Variants in SHE observed in about 807,000 individuals in gnomAD.
SHE encodes SH2 domain-containing adapter protein E.
In SHE, 11 loss-of-function variants were observed where a neutral mutation model predicts 49.8. That is an observed-to-expected ratio of 0.22 (90% CI 0.14 to 0.37). SHE has a LOEUF of 0.37. Ranked by LOEUF, SHE falls within the 10% of genes least tolerant of loss-of-function variation. The probability of loss-of-function intolerance (pLI) is 1.00; values close to 1 mark genes in which losing one functional copy is unlikely to be tolerated. For missense variants in SHE, 624 were observed against 655.5 expected, an observed-to-expected ratio of 0.95 and a Z score of 0.52; for synonymous variants, 310 against 278.1, an observed-to-expected ratio of 1.11 and a Z score of -1.14.
intron 3 of SHE, 47 bp downstream of exon 3, chr1:154,489,004 C>T (rs41269913): frequency 0.036 from 54,906 of 1,512,590 alleles, 1,141 homozygotes; most frequent in Middle Eastern, 0.084. Flanking sequence ...ATGCGGTGGC[C>T]AGAAGACTGA....
rs776297599 is a variant in SHE at position 154,501,834 on chromosome 1, A to G, written c.193T>C (p.Leu65=). The G allele has an allele frequency of 6.6e-5, 102 of 1,546,072 alleles. No individual in the cohort carries two copies. The highest frequency in any genetic ancestry group is 8.3e-5 in the Non-Finnish European group (96 of 1,153,414). Residue 65 remains leucine, a synonymous_variant, in exon 1 of 6, where the codon TTG becomes CTG. Coordinates refer to ENST00000304760, the MANE Select transcript of SHE (RefSeq NM_001010846.3). ...RAKPGGGGGK[L]RKNSEAGGAG... ...CCGCCCGCCTCCGAGTTCTTGCGCA[A>G]TTTGCCGCCGCCGCCCCCGGGCTTG...
In SHE at chr1:154,502,052, C is replaced by A. The variant is rs1299135541; in HGVS notation, c.-26G>T. 3 of 1,262,872 alleles carry A rather than the reference C, an allele frequency of 2.4e-6. No individual in the cohort carries two copies. The highest frequency in any genetic ancestry group is 3.0e-6 in the Non-Finnish European group (3 of 1,007,070). The allele number at this position is 1,262,872 out of a possible 1,614,324, so 78.2% of individuals were successfully genotyped here. A position where few individuals can be genotyped will look rare whatever the true frequency, so the allele number is the denominator to read the frequency against. The stretch of plus-strand genomic sequence containing the variant: ...TCCCCGTGACTGGGGCGCTGGAGGC[C>A]GCGGCGAGGCCCCGCGACGGCTGCT... On this transcript the variant is annotated 5_prime_UTR_variant, in exon 1 of 6. Transcript: ENST00000304760.
chr1:154,476,393 C>T (rs1691876339), downstream of SHE, among the ~76,000 whole-genome samples: 1 of 151,920 alleles, frequency 6.6e-6, no homozygotes, highest in African/African-American at 2.4e-5. Context: ...GCCTGTAATC[C>T]CAGCACTTTG....
rs1284518432 is a variant in SHE at position 154,501,688 on chromosome 1, C to T, written c.339G>A (p.Gln113=). The T allele has an allele frequency of 2.5e-6, 4 of 1,612,860 alleles. No homozygotes were observed. In the South Asian group the frequency reaches 4.4e-5, roughly 18 times the overall value. The change falls in exon 1 of 6, where the codon CAG becomes CAA. Residue 113 remains glutamine, a synonymous_variant. Transcript: ENST00000304760. ...TTTTGCGGCCCTTGCCCGCGGCGGC[C>T]TGAATCAGACCCTGCAGGCTGTCGC... ...LSRDSLQGLI[Q]AAAGKGRKNS... is the part of the protein sequence containing the mutation.
chr1:154,478,439 A>C (rs569364727), downstream of SHE, among the ~76,000 whole-genome samples: 2 of 151,992 alleles, frequency 1.3e-5, no homozygotes, highest in African/African-American at 4.8e-5. Flanking sequence ...AAAAAAAAAA[A>C]AAAAAAAAAC....
intron 1 of SHE, among the ~76,000 whole-genome samples, chr1:154,500,124 T>C (rs986010473): frequency 1.3e-5 from 2 of 152,146 alleles, no homozygotes; most frequent in African/African-American, 2.4e-5. Context: ...AGCCTGGAAA[T>C]AGCCTCAGAA....
rs758788346 is a variant in SHE, at chr1:154,501,753, C to G, written c.274G>C (p.Gly92Arg). 14 of 1,572,574 alleles carry G rather than the reference C, an allele frequency of 8.9e-6. No homozygotes were observed. The highest frequency in any genetic ancestry group is 2.4e-5 in the East Asian group (1 of 42,536). Residue 92 changes from glycine (G) to arginine (R), a missense_variant, in exon 1 of 6, where the codon GGC becomes CGC. Coordinates refer to ENST00000304760, the MANE Select transcript of SHE (RefSeq NM_001010846.3). ...TCCTTGGGGCCGACGCCGGCCCTGC[C>G]GCTCCCCAGCTCGGCCGCCGAGTTC... ...RKNSAAELGS[G>R]RAGVGPKDSR...
chr1:154,484,446 T>A, intron 5 of SHE, 111 bp from the exon 6 acceptor site: 1 of 872,592 alleles, frequency 1.1e-6, no homozygotes, highest in Non-Finnish European at 1.8e-6. Context: ...ATCCATCCCG[T>A]AATGGTTCTA....
chr1:154,479,913 A>G lies in SHE; in HGVS notation c.*4236T>C, dbSNP rs1179171337. 18 of 985,256 alleles carry G rather than the reference A, an allele frequency of 1.8e-5. No homozygotes were observed. Among genetic ancestry groups the G allele is most frequent in the Non-Finnish European group, 2.0e-5 (17 of 829,922 alleles). The allele number at this position is 985,256 out of a possible 1,614,324, so 61.0% of individuals were successfully genotyped here. A position where few individuals can be genotyped will look rare whatever the true frequency, so the allele number is the denominator to read the frequency against. The stretch of plus-strand genomic sequence containing the variant: ...TCAAGATGGCAACTGCTGTGTCATC[A>G]TTTTCCCTTTTCTGGACTGTATCAG... On this transcript the variant is annotated 3_prime_UTR_variant, in exon 6 of 6. Transcript: ENST00000304760.
Position 154,483,269 on chromosome 1 carries a change from C to T in SHE, c.*880G>A, listed in dbSNP as rs1692070193. ...CACACACTTTCTTGGAAAGGCTGAC[C>T]AACAAAATAATCCTTAGGCCACACT... On this transcript the variant is annotated 3_prime_UTR_variant, in exon 6 of 6. Transcript: ENST00000304760. 2 of 985,354 alleles carry T rather than the reference C, an allele frequency of 2.0e-6. No individual in the cohort carries two copies. Among genetic ancestry groups the T allele is most frequent in the South Asian group, 4.7e-5 (1 of 21,280 alleles). 61.0% of individuals were successfully genotyped at this position (985,354 alleles called of 1,614,324 possible). A position where few individuals can be genotyped will look rare whatever the true frequency, so the allele number is the denominator to read the frequency against.
chr1:154,494,358 A>G (rs190901445), intron 2 of SHE, among the ~76,000 whole-genome samples: 2 of 151,166 alleles, frequency 1.3e-5, no homozygotes, highest in African/African-American at 4.8e-5. Context: ...AATCACAGGC[A>G]AAGACAGACA....
chr1:154,473,268 G>A lies in SHE; in HGVS notation c.103-2906C>T, dbSNP rs183086481. ...GCCTGTCTCAGCCTCCCAAAGTGCTGGGATTACAGGTGTGAGCCACTGAGC... is the reference window on the plus strand; with the variant it reads ...GCCTGTCTCAGCCTCCCAAAGTGCTAGGATTACAGGTGTGAGCCACTGAGC... On this transcript the variant is annotated intron_variant, in intron 1 of 1. Transcript: ENST00000486773. Among the ~76,000 whole-genome samples the A allele has an allele frequency of 6.6e-3, 1,006 of 152,042 alleles. 38 individuals are homozygous for A. Among genetic ancestry groups the A allele is most frequent in the Admixed American group, 0.059 (899 of 15,272 alleles).
chr1:154,474,716 G>C (rs1691834775), downstream of SHE, among the ~76,000 whole-genome samples: 1 of 152,058 alleles, frequency 6.6e-6, no homozygotes, highest in South Asian at 2.1e-4. Flanking sequence ...TGTTGGCCAG[G>C]CTGGTCTTGA....
chr1:154,475,066 G>A (rs1010223182), downstream of SHE, among the ~76,000 whole-genome samples: 5 of 152,172 alleles, frequency 3.3e-5, no homozygotes, highest in Non-Finnish European at 7.4e-5. Context: ...GGGAGTGAGG[G>A]AGCAGAGTAG....
chr1:154,490,301 T>G lies in SHE; in HGVS notation c.719-945A>C, dbSNP rs146390720. Among the ~76,000 whole-genome samples the G allele has an allele frequency of 3.2e-3, 481 of 152,362 alleles. 2 individuals are homozygous for G. The highest frequency in any genetic ancestry group is 0.011 in the African/African-American group (465 of 41,584). On this transcript the variant is annotated intron_variant, in intron 2 of 5. Coordinates refer to ENST00000304760, the MANE Select transcript of SHE (RefSeq NM_001010846.3). ...ACATTTATCGATGGCTTACCATGTG[T>G]GAAGCACTATTCTAAGTGTCTAGTA... is the stretch of plus-strand genomic sequence containing the variant.
downstream of SHE, among the ~76,000 whole-genome samples, chr1:154,474,581 C>CA (rs1471284976): frequency 6.6e-6 from 1 of 152,084 alleles, no homozygotes; most frequent in Admixed American, 6.6e-5. Context: ...CATCTTGGCT[C>CA]ACCACAACTG....
chr1:154,497,257 C>T (rs1162193319), intron 2 of SHE, among the ~76,000 whole-genome samples: 1 of 152,230 alleles, frequency 6.6e-6, no homozygotes, highest in Admixed American at 6.5e-5. Context: ...CTGCTCAACT[C>T]TTCTGAGACT....
chr1:154,500,366 T>C (rs1692671393), intron 1 of SHE, among the ~76,000 whole-genome samples: 1 of 152,130 alleles, frequency 6.6e-6, no homozygotes, highest in South Asian at 2.1e-4. Flanking sequence ...TACACAGCTC[T>C]CCACTCAGTG....
At chr1:154,500,002 G>A (rs1220401845) in intron 1 of SHE, among the ~76,000 whole-genome samples, 1 of 152,148 alleles carries the variant, frequency 6.6e-6, no homozygotes, top group Non-Finnish European at 1.5e-5. Flanking sequence ...TTCTCAGGAA[G>A]GAAGCTCCAG....
Sources: gnomAD v4.1 joint callset for allele counts (sites outside exome capture counted in the v4.1 genomes callset) on GRCh38, gnomAD v4.1.1 for gene constraint, MANE v1.5 for transcripts, NCBI Gene and HGNC (gene_info 2026-07-23, HGNC 2026-07-21) for gene names.